The following DACT2 variants were observed in gnomAD, a reference collection of about 807,000 sequenced individuals.
The protein encoded by DACT2 is dapper homolog 2.
In DACT2, 20 loss-of-function variants were observed where a neutral mutation model predicts 22.2. The observed-to-expected ratio is 0.90, with a 90% confidence interval of 0.63 to 1.31. The LOEUF (loss-of-function observed/expected upper bound fraction) is 1.31, where lower values mean the gene tolerates loss of function less well. Ranked by LOEUF, DACT2 falls within the 50% of genes most tolerant of loss-of-function variation. The pLI is 0.00. For missense variants in DACT2, 1,048 were observed against 1,061.4 expected, an observed-to-expected ratio of 0.99 and a Z score of 0.18; for synonymous variants, 463 against 479.8, an observed-to-expected ratio of 0.96 and a Z score of 0.46.
chr6:168,303,703 C>T (rs938486143), downstream of DACT2, among the ~76,000 whole-genome samples: 3 of 152,182 alleles, frequency 2.0e-5, no homozygotes, highest in East Asian at 1.9e-4. Context: ...AATTATTCTA[C>T]AAGCTGGAGC....
At position 168,308,448 on chromosome 6, in the gene DACT2, T is replaced by C; in HGVS notation, c.1309A>G (p.Met437Val). 1.3e-6 allele frequency: 2 copies of C among 1,551,642 alleles called. No homozygotes were observed. The highest frequency in any genetic ancestry group is 1.7e-6 in the Non-Finnish European group (2 of 1,146,960). Residue 437 changes from methionine (M) to valine (V), a missense_variant, in exon 4 of 4, where the codon ATG becomes GTG. Transcript: ENST00000366795. ...PSNSCVLRET[M>V]VQASPSSKAQ... The stretch of plus-strand genomic sequence containing the variant: ...TTTGAGCTGGGAGAAGCCTGCACCA[T>C]GGTCTCCCTGAGGACACAGCTGTTT...
Position 168,307,100 on chromosome 6 carries a change from G to A in DACT2, c.*332C>T. 5 of 1,094,112 alleles carry A rather than the reference G, an allele frequency of 4.6e-6. No individual in the cohort carries two copies. Among genetic ancestry groups the A allele is most frequent in the Non-Finnish European group, 5.6e-6 (5 of 898,774 alleles). 67.8% of individuals were successfully genotyped at this position (1,094,112 alleles called of 1,614,324 possible). On this transcript the variant is annotated 3_prime_UTR_variant, in exon 4 of 4. Transcript: ENST00000366795. This position sits in a 1 kb window ranked among gnomAD's most constrained non-coding sequence, Gnocchi z 5.3. ...AACACTTCCCCAGCCAGAGGGGAGT[G>A]AGGGCAGGGGAAGCCATGGGAGGAT...
chr6:168,311,024 T>C, intron 2 of DACT2, 128 bp downstream of exon 2: 2 of 1,257,442 alleles, frequency 1.6e-6, no homozygotes, highest in Non-Finnish European at 2.1e-6. Context: ...GAAGCGGCCA[T>C]CTCCCTGCAC....
At position 168,308,261 on chromosome 6, in the gene DACT2, A is replaced by AT. The variant is rs1380455363; in HGVS notation, c.1495dup (p.Ile499AsnfsTer24). ...CACCTTGTCCATGGGACTTCTCTTG[A>AT]TTTTTTCAGCCTTGCTCTTGGGGGG... On this transcript the variant is annotated frameshift_variant, in exon 4 of 4. Coordinates refer to ENST00000366795, the MANE Select transcript of DACT2 (RefSeq NM_214462.5). LOFTEE classifies it low-confidence loss of function (END_TRUNC). 6.4e-7 allele frequency: 1 copy of AT among 1,551,932 alleles called. No individual in the cohort carries two copies. Among genetic ancestry groups the AT allele is most frequent in the South Asian group, 1.2e-5 (1 of 84,038 alleles).
downstream of DACT2, among the ~76,000 whole-genome samples, chr6:168,303,193 T>G (rs1289246354): frequency 6.6e-6 from 1 of 152,190 alleles, no homozygotes; most frequent in Non-Finnish European, 1.5e-5. Flanking sequence ...GCTTTATGTA[T>G]TTAACGTTTA....
rs554777321 is a variant in DACT2 at position 168,293,729 on chromosome 6, A to C, written c.*165T>G. 3.2e-4 allele frequency: 202 copies of C among 632,714 alleles called. 1 individual carries two copies. The highest frequency in any genetic ancestry group is 1.2e-4 in the Non-Finnish European group (42 of 351,642). 39.2% of individuals were successfully genotyped at this position (632,714 alleles called of 1,614,324 possible). A position where few individuals can be genotyped will look rare whatever the true frequency, so the allele number is the denominator to read the frequency against. The stretch of plus-strand genomic sequence containing the variant: ...CACTGACCAGCAGTCCTTTCTGGAC[A>C]CTTCTCTGCAGCTCCCACTGGCTCA... On this transcript the variant is annotated 3_prime_UTR_variant, in exon 6 of 6. Transcript: ENST00000366796.
intron 2 of DACT2, among the ~76,000 whole-genome samples, chr6:168,310,794 G>A (rs1456348552): frequency 6.6e-6 from 1 of 152,154 alleles, no homozygotes; most frequent in East Asian, 1.9e-4. Context: ...TTTAGGACAG[G>A]CCTCTGGCCC....
intron 2 of DACT2, among the ~76,000 whole-genome samples, 176 bp downstream of exon 2, chr6:168,310,976 G>C (rs1160388998): frequency 6.6e-6 from 1 of 152,206 alleles, no homozygotes; most frequent in African/African-American, 2.4e-5. Flanking sequence ...CCTGAGAAAG[G>C]CTTCAGTGTT....
At chr6:168,303,892 A>G (rs748446384), downstream of DACT2, among the ~76,000 whole-genome samples, 3 of 152,204 alleles carry the variant, frequency 2.0e-5, no homozygotes, top group Non-Finnish European at 2.9e-5. Flanking sequence ...AATTCCTGAC[A>G]TATTTTTTAC....
In DACT2 at chr6:168,297,693, A is replaced by G. The variant is rs538331401; in HGVS notation, c.659-2989T>C. ...TGAAACACATACAGCTACCTGGGAG[A>G]GACATGGGGTATCTATACAGAGAGA... On this transcript the variant is annotated intron_variant, in intron 3 of 5. Transcript: ENST00000366796. Among the ~76,000 whole-genome samples, 30 of 152,298 alleles carry G rather than the reference A, an allele frequency of 2.0e-4. 1 individual carries two copies. Among genetic ancestry groups the G allele is most frequent in the African/African-American group, 6.0e-4 (25 of 41,566 alleles).
intron 1 of DACT2, among the ~76,000 whole-genome samples, chr6:168,315,510 C>G (rs558083727): frequency 6.6e-6 from 1 of 152,324 alleles, no homozygotes. Context: ...AAACCCAGAA[C>G]AGGGAGATCC....
intron 1 of DACT2, among the ~76,000 whole-genome samples, chr6:168,311,548 A>ACACC (rs760504807): frequency 5.0e-5 from 4 of 79,540 alleles, no homozygotes; most frequent in Admixed American, 1.4e-4. Context: ...ATCCACACAC[A>ACACC]CATACACACA....
chr6:168,298,061 C>T (rs191577089), intron 3 of DACT2: 1 of 152,316 alleles, frequency 6.6e-6, no homozygotes, highest in East Asian at 1.9e-4. Context: ...ATTGAGTGAA[C>T]ACACACATTG....
chr6:168,303,385 C>T (rs915465783), downstream of DACT2, among the ~76,000 whole-genome samples: 1 of 152,170 alleles, frequency 6.6e-6, no homozygotes, highest in African/African-American at 2.4e-5. Flanking sequence ...ATGAATAGAC[C>T]AACACAGTCC....
rs750683098 is a variant in DACT2, at chr6:168,308,354, T to C, written c.1403A>G (p.Asp468Gly). The C allele has an allele frequency of 6.4e-7, 1 of 1,551,932 alleles. No homozygotes were observed. Among genetic ancestry groups the C allele is most frequent in the Non-Finnish European group, 8.7e-7 (1 of 1,147,034 alleles). ...CCCAGAGGCCGGTGAGGGGCTCTTGTCCAGCATCCTGGATGGGGATATGAT... is the reference window on the plus strand; with the variant it reads ...CCCAGAGGCCGGTGAGGGGCTCTTGCCCAGCATCCTGGATGGGGATATGAT... Reference protein sequence around the residue: ...GNIISPSRMLDKSPSPASGHF... With the variant: ...GNIISPSRMLGKSPSPASGHF... Residue 468 changes from aspartate to glycine, a missense_variant, in exon 4 of 4, where the codon GAC (aspartate) becomes GGC (glycine). Physicochemically the swap from Asp to Gly is moderately conservative, Grantham distance 94 (BLOSUM62 -1). Coordinates refer to ENST00000366795, the MANE Select transcript of DACT2 (RefSeq NM_214462.5).
At chr6:168,311,336 C>A (rs2114912368) in intron 1 of DACT2, 52 bp from the exon 2 acceptor site, 1 of 1,489,712 alleles carries the variant, frequency 6.7e-7, no homozygotes, top group Non-Finnish European at 9.0e-7. Context: ...GAAAGCAAAA[C>A]TTAAGGCTCA....
At chr6:168,318,193 C>T (rs1379045430) in intron 1 of DACT2, among the ~76,000 whole-genome samples, 1 of 152,284 alleles carries the variant, frequency 6.6e-6, no homozygotes, top group Non-Finnish European at 1.5e-5. Flanking sequence ...CCTAAACAGA[C>T]GGCCAGGATT....
chr6:168,308,967 G>A lies in DACT2; in HGVS notation c.790C>T (p.Leu264=), dbSNP rs1779314961. 1 of 1,549,526 alleles carries A rather than the reference G, an allele frequency of 6.5e-7. No homozygotes were observed. The highest frequency in any genetic ancestry group is 1.4e-5 in the African/African-American group (1 of 73,182). ...ACCTCCCTGCCGCCCTGGGACACCA[G>A]GTCCTGCCGATACTTGGGGTCCGGC... The part of the protein sequence containing the change: ...HVPDPKYRQD[L]VSQGGREVYP... Residue 264 remains leucine (L), a synonymous_variant, in exon 4 of 4, where the codon CTG becomes TTG. Transcript: ENST00000366795.
downstream of DACT2, among the ~76,000 whole-genome samples, chr6:168,305,657 G>C (rs1450089926): frequency 6.6e-6 from 1 of 152,206 alleles, no homozygotes; most frequent in Non-Finnish European, 1.5e-5. Context: ...AGTCCTCAGT[G>C]AGGACGAGGA....
Sources: gnomAD v4.1 joint callset for allele counts (sites outside exome capture counted in the v4.1 genomes callset) on GRCh38, gnomAD v4.1.1 for gene constraint, Gnocchi (gnomAD v3.1) non-coding constraint, MANE v1.5 for transcripts, NCBI Gene and HGNC (gene_info 2026-07-23, HGNC 2026-07-21) for gene names.